The following HTR3E variants were observed in gnomAD, a reference collection of about 807,000 sequenced individuals.
HTR3E encodes the protein 5-hydroxytryptamine (serotonin) receptor 3, family member E.
Under a neutral mutation model 38.0 loss-of-function variants are expected in HTR3E, and 38 were observed. The ratio of observed to expected loss-of-function variants is 1.00; its 90% CI spans 0.77 to 1.31. The LOEUF (loss-of-function observed/expected upper bound fraction) is 1.31. HTR3E is among the 50% of genes most tolerant of loss of function. The pLI is 0.00. For missense variants in HTR3E, 547 were observed against 585.2 expected (o/e 0.93, Z 0.67); for synonymous variants, 210 against 232.9 (o/e 0.90, Z 0.89).
At position 184,100,623 on chromosome 3, in the gene HTR3E, C is replaced by T. The variant is rs868701497; in HGVS notation, c.206C>T (p.Ser69Phe). Reference protein sequence around the residue: ...NISVPTQVNISFAMSAILDVN... With the variant: ...NISVPTQVNIFFAMSAILDVN... ...AGCGTCCCCACCCAAGTCAACATCT[C>T]CTTCGCGATGTCTGCCATCCTAGAT... is the stretch of plus-strand genomic sequence containing the variant. The change falls in exon 2 of 9, where the codon TCC (serine) becomes TTC (phenylalanine). Residue 69 changes from serine to phenylalanine, a missense_variant. Transcript: ENST00000415389. The T allele has an allele frequency of 6.2e-7, 1 of 1,614,040 alleles. No individual in the cohort carries two copies. Among genetic ancestry groups the T allele is most frequent in the East Asian group, 2.2e-5 (1 of 44,850 alleles).
intron 1 of HTR3E, among the ~76,000 whole-genome samples, chr3:184,099,709 A>G (rs1229461073): frequency 9.8e-6 from 1 of 102,322 alleles, no homozygotes; most frequent in Non-Finnish European, 1.8e-5. Flanking sequence ...CGACAGAGCG[A>G]GACTCCGTCT....
chr3:184,105,676 A>T, intron 6 of HTR3E, 89 bp from the exon 7 acceptor site: 6 of 1,160,500 alleles, frequency 5.2e-6, no homozygotes, highest in Non-Finnish European at 7.7e-6. Flanking sequence ...CCAAAGAAAA[A>T]GGCAGAGACA....
At chr3:184,103,628 C>CA (rs11441494) in intron 3 of HTR3E, among the ~76,000 whole-genome samples, 4,563 of 78,732 alleles carry the variant, frequency 0.058, 236 homozygotes, top group African/African-American at 0.14. Flanking sequence ...GACTCCATCT[C>CA]AAAAAAAAAA....
rs1712414022 is a variant in HTR3E, at chr3:184,105,934, G to A, written c.890G>A (p.Ser297Asn). The A allele has an allele frequency of 6.2e-7, 1 of 1,614,056 alleles. No individual in the cohort carries two copies. The highest frequency in any genetic ancestry group is 1.7e-5 in the Admixed American group (1 of 60,000). Reference protein sequence around the residue: ...LGYNVFLLMMSDLLPTSGTPL... With the variant: ...LGYNVFLLMMNDLLPTSGTPL... ...TACAACGTCTTCCTGCTCATGATGAGTGACTTGCTCCCCACCAGTGGCACC... is the reference window on the plus strand; with the variant it reads ...TACAACGTCTTCCTGCTCATGATGAATGACTTGCTCCCCACCAGTGGCACC... The change falls in exon 7 of 9, where the codon AGT becomes AAT. Residue 297 changes from serine (S) to asparagine (N), a missense_variant. Coordinates refer to ENST00000415389, the MANE Select transcript of HTR3E (RefSeq NM_001256613.2).
In HTR3E at chr3:184,104,769, G is replaced by C; in HGVS notation, c.390-18G>C. 1.9e-6 allele frequency: 3 copies of C among 1,566,322 alleles called. No individual in the cohort carries two copies. Among genetic ancestry groups the C allele is most frequent in the Non-Finnish European group, 2.6e-6 (3 of 1,153,764 alleles). ...AGAGAAACTGCAGCACCTGCCTCTTGCGTTATCTCTCCTCCAGCATGGATG... is the reference window on the plus strand; with the variant it reads ...AGAGAAACTGCAGCACCTGCCTCTTCCGTTATCTCTCCTCCAGCATGGATG... On this transcript the variant is annotated intron_variant, in intron 4 of 8. Coordinates refer to ENST00000415389, the MANE Select transcript of HTR3E (RefSeq NM_001256613.2).
At chr3:184,105,000 C>A (rs1164012258) in intron 5 of HTR3E, 44 bp downstream of exon 5, 1 of 1,549,656 alleles carries the variant, frequency 6.5e-7, no homozygotes, top group Non-Finnish European at 8.8e-7. Context: ...ATGAGAGCAA[C>A]CAACAAATAT....
intron 4 of HTR3E, 139 bp from the exon 5 acceptor site, chr3:184,104,648 T>G: frequency 1.4e-6 from 1 of 708,162 alleles, no homozygotes; most frequent in Non-Finnish European, 2.1e-6. Context: ...GCCCAGGACA[T>G]GGAAGTTGCA....
chr3:184,100,407 G>A (rs779159558), intron 1 of HTR3E, 78 bp from the exon 2 acceptor site: 1 of 1,613,648 alleles, frequency 6.2e-7, no homozygotes, highest in Non-Finnish European at 8.5e-7. Flanking sequence ...GCGACCCCAC[G>A]CCCTGCCTTG....
At position 184,101,407 on chromosome 3, in the gene HTR3E, A is replaced by C. The variant is rs532193182; in HGVS notation, c.235-78A>C. 11 of 1,225,770 alleles carry C rather than the reference A, an allele frequency of 9.0e-6. No individual in the cohort carries two copies. In the African/African-American group the frequency reaches 1.5e-4, roughly 17 times the overall value. The allele number at this position is 1,225,770 out of a possible 1,614,324, so 75.9% of individuals were successfully genotyped here. ...CCCTTTATATACCTTGGGAGTTGGT[A>C]AACAAGCATGGGAAGTGGGGGAGAT... On this transcript the variant is annotated intron_variant, in intron 2 of 8. Coordinates refer to ENST00000415389, the MANE Select transcript of HTR3E (RefSeq NM_001256613.2).
At position 184,106,012 on chromosome 3, in the gene HTR3E, A is replaced by T. The variant is rs757869308; in HGVS notation, c.925+43A>T. 1.9e-6 allele frequency: 3 copies of T among 1,612,050 alleles called. No individual in the cohort carries two copies. The highest frequency in any genetic ancestry group is 2.5e-6 in the Non-Finnish European group (3 of 1,178,264). On this transcript the variant is annotated intron_variant, in intron 7 of 8. Transcript: ENST00000415389. This position sits in a 1 kb window ranked among gnomAD's most constrained non-coding sequence, Gnocchi z 4.1. The stretch of plus-strand genomic sequence containing the variant: ...TTTTGGAAGAGAAGGGTGGGAACTA[A>T]CTCAGGAAGGGAGGTATTTTGGAAA...
chr3:184,104,357 C>A, intron 4 of HTR3E, 66 bp downstream of exon 4: 1 of 1,551,506 alleles, frequency 6.4e-7, no homozygotes, highest in South Asian at 1.2e-5. Context: ...CACAGTTTAC[C>A]ATTGGGGCCA....
chr3:184,104,320 G>A, intron 4 of HTR3E, 29 bp downstream of exon 4: 1 of 1,588,988 alleles, frequency 6.3e-7, no homozygotes, highest in Non-Finnish European at 8.6e-7. Context: ...TCAGAGGGAA[G>A]TCCCATCTCC....
intron 1 of HTR3E, chr3:184,100,219 T>C: frequency 7.2e-7 from 1 of 1,396,812 alleles, no homozygotes; most frequent in Non-Finnish European, 9.4e-7. Flanking sequence ...TGTCTGACTG[T>C]AGGAAGTTAC....
rs1712043890 is a variant in HTR3E, at chr3:184,101,515, C to G, written c.265C>G (p.Leu89Val). The change falls in exon 3 of 9, where the codon CTG (leucine) becomes GTG (valine). Residue 89 changes from leucine to valine, a missense_variant. Leu to Val is a conservative substitution (Grantham distance 32). Transcript: ENST00000415389. ...NEQLHLLSSF[L>V]WLEMVWDNPF... The stretch of plus-strand genomic sequence containing the variant: ...ACAGCTGCACCTCTTGTCATCATTC[C>G]TGTGGCTGGAAATGGTATGGACAAC... 6.2e-7 allele frequency: 1 copy of G among 1,613,346 alleles called. No homozygotes were observed. The highest frequency in any genetic ancestry group is 1.3e-5 in the African/African-American group (1 of 74,896).
chr3:184,100,354 C>T, intron 1 of HTR3E, 131 bp from the exon 2 acceptor site: 1 of 1,608,370 alleles, frequency 6.2e-7, no homozygotes, highest in Non-Finnish European at 8.5e-7. Flanking sequence ...ATACCTGACA[C>T]ACAGCCAGTG....
intron 1 of HTR3E, 117 bp from the exon 2 acceptor site, chr3:184,100,368 A>G: frequency 6.2e-7 from 1 of 1,613,506 alleles, no homozygotes; most frequent in South Asian, 1.1e-5. Context: ...GCCAGTGCTC[A>G]ACAAATGTTA....
At position 184,106,435 on chromosome 3, in the gene HTR3E, C is replaced by A. The variant is rs1230749682; in HGVS notation, c.1142-29C>A. On this transcript the variant is annotated intron_variant, in intron 8 of 8. Coordinates refer to ENST00000415389, the MANE Select transcript of HTR3E (RefSeq NM_001256613.2). The surrounding 1 kb of genome is among the most constrained non-coding windows in gnomAD (Gnocchi z 4.1). Reference sequence around the variant, plus strand: ...CTCCCTCCACAGGTGACATTTGCAGCCCATGGCTGAGTCTCTGTCTTTCTG... The same window carrying A: ...CTCCCTCCACAGGTGACATTTGCAGACCATGGCTGAGTCTCTGTCTTTCTG... 1.0e-5 allele frequency: 16 copies of A among 1,558,028 alleles called. No homozygotes were observed. Among genetic ancestry groups the A allele is most frequent in the East Asian group, 2.3e-5 (1 of 43,134 alleles).
Position 184,101,466 on chromosome 3 carries a change from T to C in HTR3E, c.235-19T>C, listed in dbSNP as rs1017706404. On this transcript the variant is annotated intron_variant, in intron 2 of 8. Transcript: ENST00000415389. Reference sequence around the variant, plus strand: ...CTTCTTACTGGCAACATGATGGAAATAGGAAATTCTTTTGGCAGAATGAAC... The same window carrying C: ...CTTCTTACTGGCAACATGATGGAAACAGGAAATTCTTTTGGCAGAATGAAC... The C allele has an allele frequency of 1.9e-6, 3 of 1,611,352 alleles. No individual in the cohort carries two copies. The highest frequency in any genetic ancestry group is 2.3e-5 in the East Asian group (1 of 43,992).
chr3:184,099,691 G>A lies in HTR3E; in HGVS notation c.68-794G>A, dbSNP rs1200350115. ...ATTGCGCCACTGCAGTCCGCAGTCCGGCCTGGGCGACAGAGCGAGACTCCG... is the reference window on the plus strand; with the variant it reads ...ATTGCGCCACTGCAGTCCGCAGTCCAGCCTGGGCGACAGAGCGAGACTCCG... On this transcript the variant is annotated intron_variant, in intron 1 of 8. Transcript: ENST00000415389. Among the ~76,000 whole-genome samples the A allele has an allele frequency of 5.1e-5, 7 of 137,876 alleles. No individual in the cohort carries two copies. The East Asian group carries it at 6.2e-4, about 12-fold the overall frequency. 90.5% of individuals were successfully genotyped at this position (137,876 alleles called of 152,430 possible).
Sources: allele counts gnomAD v4.1 joint callset (sites outside exome capture counted in the v4.1 genomes callset), GRCh38; gene constraint gnomAD v4.1.1; non-coding constraint Gnocchi (gnomAD v3.1); transcripts MANE v1.5; gene names NCBI Gene and HGNC (gene_info 2026-07-23, HGNC 2026-07-21).